Variants in EFCAB6 observed in about 807,000 individuals in gnomAD.
EFCAB6 encodes the protein EF-hand calcium-binding domain-containing protein 6.
A neutral mutation model predicts 169.8 loss-of-function variants in EFCAB6; 156 were observed. The observed-to-expected ratio is 0.92, with a 90% CI of 0.81 to 1.05. The LOEUF (loss-of-function observed/expected upper bound fraction) is 1.05, where lower values mean the gene tolerates loss of function less well. EFCAB6 is among the 50% of genes least tolerant of loss of function. The pLI, the probability that EFCAB6 is intolerant of heterozygous loss-of-function variation, is 0.00. For missense variants in EFCAB6, 1,800 were observed against 1,829.1 expected (o/e 0.98, Z 0.29); for synonymous variants, 698 against 676.4 (o/e 1.03, Z -0.50).
chr22:43,549,067 G>C (rs2048239844), intron 27 of EFCAB6, among the ~76,000 whole-genome samples: 1 of 152,132 alleles, frequency 6.6e-6, no homozygotes, highest in African/African-American at 2.4e-5. Flanking sequence ...AAACTATGGA[G>C]AACTGAATTA....
rs758944033 is a variant in EFCAB6 at position 43,580,788 on chromosome 22, G to T, written c.3033-129C>A. On this transcript the variant is annotated intron_variant, in intron 24 of 31. Transcript: ENST00000262726. ...ATAATTTTAAGACACCATTCCCTTC[G>T]CTGTACGTGCAGACATGGCAGTTAG... is the stretch of plus-strand genomic sequence containing the variant. 1.5e-5 allele frequency: 14 copies of T among 954,070 alleles called. No individual in the cohort carries two copies. The African/African-American group carries it at 1.5e-4, about 10-fold the overall frequency. 59.1% of individuals were successfully genotyped at this position (954,070 alleles called of 1,614,324 possible). A position where few individuals can be genotyped will look rare whatever the true frequency, so the allele number is the denominator to read the frequency against.
At chr22:43,673,339 C>T (rs2057576787) in intron 13 of EFCAB6, among the ~76,000 whole-genome samples, 1 of 151,994 alleles carries the variant, frequency 6.6e-6, no homozygotes, top group Non-Finnish European at 1.5e-5. Context: ...CCCAATAATT[C>T]CATTTCTTAA....
At chr22:43,775,218 G>C (rs2061601550) in intron 3 of EFCAB6, among the ~76,000 whole-genome samples, 1 of 152,140 alleles carries the variant, frequency 6.6e-6, no homozygotes, top group Non-Finnish European at 1.5e-5. Flanking sequence ...CCTTCACTTA[G>C]AAAGGGAAGA....
In EFCAB6 at chr22:43,716,914, A is replaced by C. The variant is rs2059350823; in HGVS notation, c.816T>G (p.Ser272=). 2 of 1,591,744 alleles carry C rather than the reference A, an allele frequency of 1.3e-6. No homozygotes were observed. The highest frequency in any genetic ancestry group is 2.7e-5 in the African/African-American group (2 of 74,230). The change falls in exon 9 of 32, where the codon TCT becomes TCG. Residue 272 remains serine (S), a synonymous_variant. Coordinates refer to ENST00000262726, the MANE Select transcript of EFCAB6 (RefSeq NM_022785.4). ...TTCTCCAGATATCTTCAGATGATGC[A>C]GAACCTAGCAAACGTTCCTTTTTGG... ...KNSKKERLLG[S]ASSEDIWRNY...
chr22:43,715,137 G>T (rs893570441), intron 9 of EFCAB6, among the ~76,000 whole-genome samples: 7 of 152,196 alleles, frequency 4.6e-5, no homozygotes, highest in Non-Finnish European at 7.3e-5. Context: ...GCTCTTAATA[G>T]CTTTTAAAAT....
At chr22:43,600,985 G>C (rs1602532527) in intron 22 of EFCAB6, among the ~76,000 whole-genome samples, 1 of 152,046 alleles carries the variant, frequency 6.6e-6, no homozygotes, top group Non-Finnish European at 1.5e-5. Flanking sequence ...TTTTAAAATT[G>C]AATACTTACC....
chr22:43,600,610 C>A lies in EFCAB6; in HGVS notation c.2682-347G>T, dbSNP rs572609594. Among the ~76,000 whole-genome samples, 7 of 152,150 alleles carry A rather than the reference C, an allele frequency of 4.6e-5. 1 individual carries two copies. Among genetic ancestry groups the A allele is most frequent in the African/African-American group, 1.7e-4 (7 of 41,532 alleles). The stretch of plus-strand genomic sequence containing the variant: ...TCTATTAGAAACACAGTTGTGACTA[C>A]AGAAAATTAAAGTCAACCCCTCCAT... On this transcript the variant is annotated intron_variant, in intron 22 of 31. Transcript: ENST00000262726.
intron 10 of EFCAB6, among the ~76,000 whole-genome samples, chr22:43,690,701 G>C (rs917675493): frequency 1.3e-5 from 2 of 151,728 alleles, no homozygotes; most frequent in Non-Finnish European, 2.9e-5. Context: ...CTTAGCTCCA[G>C]CCACATTGGT....
intron 6 of EFCAB6, among the ~76,000 whole-genome samples, chr22:43,747,979 C>T (rs1357898318): frequency 6.6e-6 from 1 of 152,230 alleles, no homozygotes; most frequent in Non-Finnish European, 1.5e-5. Context: ...GTTGCTTACG[C>T]TTGTGTCCCC....
chr22:43,576,165 T>C, intron 26 of EFCAB6, 132 bp downstream of exon 26: 1 of 654,060 alleles, frequency 1.5e-6, no homozygotes, highest in Non-Finnish European at 2.4e-6. Context: ...TACCAGTTTT[T>C]CATTTAGAAT....
chr22:43,712,921 A>G (rs957531213), intron 9 of EFCAB6, among the ~76,000 whole-genome samples: 29 of 152,192 alleles, frequency 1.9e-4, no homozygotes, highest in African/African-American at 7.0e-4. Flanking sequence ...GTTTATATAG[A>G]AAGTACAAGC....
At chr22:43,729,064 G>A (rs2059842236) in intron 8 of EFCAB6, among the ~76,000 whole-genome samples, 1 of 152,208 alleles carries the variant, frequency 6.6e-6, no homozygotes, top group Non-Finnish European at 1.5e-5. Flanking sequence ...CAGGGAGCAA[G>A]TGCATCAAGT....
At chr22:43,708,393 T>C (rs780222556) in intron 10 of EFCAB6, among the ~76,000 whole-genome samples, 5 of 150,444 alleles carry the variant, frequency 3.3e-5, no homozygotes, top group Non-Finnish European at 5.9e-5. Flanking sequence ...TGAGACTCTG[T>C]CTCAAAAAAA....
intron 26 of EFCAB6, among the ~76,000 whole-genome samples, chr22:43,560,532 G>C (rs1036461441): frequency 6.6e-6 from 1 of 152,182 alleles, no homozygotes; most frequent in African/African-American, 2.4e-5. Flanking sequence ...CCTTGGGTAG[G>C]GGCAGCCATG....
At chr22:43,554,833 C>A (rs778760170) in intron 27 of EFCAB6, 36 bp downstream of exon 27, 4 of 1,583,268 alleles carry the variant, frequency 2.5e-6, no homozygotes, top group Non-Finnish European at 3.5e-6. Context: ...GCTCAGCCAA[C>A]GGTGTGCAGG....
At chr22:43,723,356 T>C (rs1370490521) in intron 8 of EFCAB6, among the ~76,000 whole-genome samples, 1 of 152,150 alleles carries the variant, frequency 6.6e-6, no homozygotes, top group South Asian at 2.1e-4. Context: ...ATTGAAAAAC[T>C]ACCTATTGGG....
chr22:43,549,389 G>C (rs2048257200), intron 27 of EFCAB6, among the ~76,000 whole-genome samples: 1 of 152,108 alleles, frequency 6.6e-6, no homozygotes, highest in Admixed American at 6.5e-5. Context: ...AGATTAAAAA[G>C]ATAACAGTAC....
chr22:43,736,904 T>G (rs1308211039), intron 6 of EFCAB6, among the ~76,000 whole-genome samples: 1 of 151,702 alleles, frequency 6.6e-6, no homozygotes, highest in Non-Finnish European at 1.5e-5. Flanking sequence ...ATCTTTCCAG[T>G]TCACTCCCTT....
intron 17 of EFCAB6, among the ~76,000 whole-genome samples, chr22:43,635,826 C>A (rs2055351475): frequency 6.6e-6 from 1 of 152,098 alleles, no homozygotes; most frequent in Admixed American, 6.5e-5. Flanking sequence ...GAGGGAGCAC[C>A]CAAGAAAACA....
Sources: gnomAD v4.1 joint callset for allele counts (sites outside exome capture counted in the v4.1 genomes callset) on GRCh38, gnomAD v4.1.1 for gene constraint, MANE v1.5 for transcripts, NCBI Gene and HGNC (gene_info 2026-07-23, HGNC 2026-07-21) for gene names.